ROBO2: variants seen among roughly 807,000 people sequenced by gnomAD.
ROBO2 encodes roundabout guidance receptor 2.
ROBO2 carries 53 observed loss-of-function variants against 160.8 expected under a neutral mutation model. That is an observed-to-expected ratio of 0.33 (90% CI 0.26 to 0.41). The LOEUF (loss-of-function observed/expected upper bound fraction) is 0.41. Ranked by LOEUF, ROBO2 falls within the 10% of genes least tolerant of loss-of-function variation. The pLI, the probability that ROBO2 is intolerant of heterozygous loss-of-function variation, is 1.00. For synonymous variants in ROBO2, 664 were observed against 611.7 expected (o/e 1.09, Z -1.26); for missense variants, 1,577 against 1,722.4 (o/e 0.92, Z 1.49).
chr3:76,178,479 A>G (rs1186922860), intron 2 of ROBO2, among the ~76,000 whole-genome samples: 1 of 152,164 alleles, frequency 6.6e-6, no homozygotes, highest in African/African-American at 2.4e-5. Flanking sequence ...CTTATTATAC[A>G]TTATTGTTCA....
At chr3:77,447,475 G>T (rs1337915649) in intron 2 of ROBO2, among the ~76,000 whole-genome samples, 2 of 151,934 alleles carry the variant, frequency 1.3e-5, no homozygotes, top group Non-Finnish European at 2.9e-5. Context: ...ATATACTAAG[G>T]CTTAATGTAA....
intron 2 of ROBO2, among the ~76,000 whole-genome samples, chr3:77,332,035 G>A (rs2066022159): frequency 6.6e-6 from 1 of 152,070 alleles, no homozygotes; most frequent in East Asian, 1.9e-4. Context: ...GTTAGATATG[G>A]TAGTGTTATA....
At chr3:76,762,352 T>G (rs2061353527) in intron 2 of ROBO2, among the ~76,000 whole-genome samples, 1 of 151,522 alleles carries the variant, frequency 6.6e-6, no homozygotes. Flanking sequence ...CAATAGAATG[T>G]ACCTTTGTAT....
intron 2 of ROBO2, among the ~76,000 whole-genome samples, chr3:76,489,481 A>G (rs11127545): frequency 0.28 from 41,969 of 152,006 alleles, 7,242 homozygotes; most frequent in African/African-American, 0.48. Flanking sequence ...GTTAAACCAC[A>G]CAGTGAATTC....
Position 76,733,278 on chromosome 3 carries a change from A to G in ROBO2, c.110-364736A>G, listed in dbSNP as rs529617810. Among the ~76,000 whole-genome samples the G allele has an allele frequency of 4.5e-4, 68 of 152,344 alleles. 1 individual carries two copies. The highest frequency in any genetic ancestry group is 1.6e-3 in the African/African-American group (66 of 41,576). Reference sequence around the variant, plus strand: ...TATACAAAGAAGGGAGATTACGTCAACTGAACAAATTCAAATGTGCTGGTT... The same window carrying G: ...TATACAAAGAAGGGAGATTACGTCAGCTGAACAAATTCAAATGTGCTGGTT... On this transcript the variant is annotated intron_variant, in intron 2 of 26. Transcript: ENST00000487694.
intron 2 of ROBO2, among the ~76,000 whole-genome samples, chr3:76,269,314 TTAAAAA>T (rs898157672): frequency 1.3e-5 from 2 of 152,040 alleles, no homozygotes; most frequent in African/African-American, 2.4e-5. Context: ...CTCATACAAC[TTAAAAA>T]TAAATAAATA....
chr3:76,682,345 A>C (rs1157557294), intron 2 of ROBO2, among the ~76,000 whole-genome samples: 3 of 152,142 alleles, frequency 2.0e-5, no homozygotes, highest in Non-Finnish European at 1.5e-5. Context: ...GTGGAAGATA[A>C]TTCGTGGAAA....
intron 2 of ROBO2, among the ~76,000 whole-genome samples, chr3:76,096,010 G>T (rs924989506): frequency 6.6e-6 from 1 of 152,004 alleles, no homozygotes; most frequent in Admixed American, 6.6e-5. Context: ...AGGTATTAAA[G>T]AATATCCTCA....
intron 2 of ROBO2, among the ~76,000 whole-genome samples, chr3:77,211,242 T>C (rs1484482805): frequency 4.6e-5 from 7 of 152,202 alleles, no homozygotes; most frequent in South Asian, 2.1e-4. Context: ...ACATCCTCTC[T>C]AGCACCTGTT....
intron 20 of ROBO2, chr3:77,603,138 T>C (rs944074616): frequency 5.8e-5 from 26 of 449,892 alleles, no homozygotes; most frequent in South Asian, 3.4e-4. Context: ...CATGAAGATA[T>C]ACTGAATCAC....
At chr3:77,063,663 A>T (rs1344525263) in intron 1 of ROBO2, among the ~76,000 whole-genome samples, 1 of 152,152 alleles carries the variant, frequency 6.6e-6, no homozygotes, top group African/African-American at 2.4e-5. Flanking sequence ...TCTTAACTTG[A>T]TATTGTTTGT....
chr3:76,266,878 C>T (rs1423919030), intron 2 of ROBO2, among the ~76,000 whole-genome samples: 1 of 152,134 alleles, frequency 6.6e-6, no homozygotes, highest in Non-Finnish European at 1.5e-5. Flanking sequence ...ACATTTTCTT[C>T]CCTTAGATCT....
At chr3:76,622,231 G>GAAAGAAAGAAAGAAAGAAAGA (rs1391088473) in intron 2 of ROBO2, among the ~76,000 whole-genome samples, 1 of 36,336 alleles carries the variant, frequency 2.8e-5, no homozygotes, top group African/African-American at 9.9e-5. Flanking sequence ...AGGAAGGAAG[G>GAAAGAAAGAAAGAAAGAAAGA]AAGGAAGAAA....
intron 2 of ROBO2, among the ~76,000 whole-genome samples, chr3:76,603,127 C>T (rs12632420): frequency 0.27 from 40,360 of 150,642 alleles, 6,702 homozygotes; most frequent in South Asian, 0.39. Context: ...GTCAGGAGAT[C>T]GAGACCATCC....
rs566130615 is a variant in ROBO2, at chr3:76,495,111, A to C, written c.109+557509A>C. 4.2e-4 allele frequency among the ~76,000 whole-genome samples: 64 copies of C among 152,180 alleles called. 1 individual carries two copies. The South Asian group carries it at 0.012, about 29-fold the overall frequency. On this transcript the variant is annotated intron_variant, in intron 2 of 26. Coordinates refer to the ROBO2 transcript ENST00000487694. ...ACCCTCACGTGTGTTTGAAGTTAACATTTGTAAATAGATGAAGACAAATAT... is the reference window on the plus strand; with the variant it reads ...ACCCTCACGTGTGTTTGAAGTTAACCTTTGTAAATAGATGAAGACAAATAT...
chr3:75,927,604 A>T (rs1229064128), intron 1 of ROBO2, among the ~76,000 whole-genome samples: 3 of 152,208 alleles, frequency 2.0e-5, no homozygotes, highest in Non-Finnish European at 1.5e-5. Flanking sequence ...GTAGCACAAA[A>T]TATATGTTCC....
intron 2 of ROBO2, among the ~76,000 whole-genome samples, chr3:77,312,746 G>A (rs186075601): frequency 9.3e-4 from 142 of 152,276 alleles, no homozygotes; most frequent in Middle Eastern, 3.4e-3. Flanking sequence ...CACTATTGGT[G>A]AGTGAAAATG....
chr3:77,226,218 C>A (rs2086478939), intron 2 of ROBO2, among the ~76,000 whole-genome samples: 1 of 151,124 alleles, frequency 6.6e-6, no homozygotes, highest in African/African-American at 2.4e-5. Context: ...AGAAAACAAA[C>A]AAAATTATGG....
At chr3:76,507,638 A>T (rs976483089) in intron 2 of ROBO2, among the ~76,000 whole-genome samples, 2 of 152,116 alleles carry the variant, frequency 1.3e-5, no homozygotes, top group Non-Finnish European at 2.9e-5. Context: ...AGTGTTTTGC[A>T]TATATTAACT....
Sources: allele counts gnomAD v4.1 joint callset (sites outside exome capture counted in the v4.1 genomes callset), GRCh38; gene constraint gnomAD v4.1.1; transcripts MANE v1.5; gene names NCBI Gene and HGNC (gene_info 2026-07-23, HGNC 2026-07-21).